DLGAP2: variants seen among roughly 807,000 people sequenced by gnomAD.
DLGAP2 encodes disks large-associated protein 2.
A neutral mutation model predicts 100.3 loss-of-function variants in DLGAP2; 26 were observed. The ratio of observed to expected loss-of-function variants is 0.26; its 90% CI spans 0.19 to 0.36. The LOEUF (loss-of-function observed/expected upper bound fraction) is 0.36. DLGAP2 is among the 10% of genes least tolerant of loss of function. The pLI is 1.00. For synonymous variants in DLGAP2, 886 were observed against 630.1 expected (o/e 1.41, Z -6.08); for missense variants, 1,858 against 1,453.2 (o/e 1.28, Z -4.53).
In DLGAP2 at chr8:1,548,984, T is replaced by C; in HGVS notation, c.531T>C (p.Ala177=). 6.3e-7 allele frequency: 1 copy of C among 1,599,388 alleles called. No individual in the cohort carries two copies. Among genetic ancestry groups the C allele is most frequent in the Non-Finnish European group, 8.5e-7 (1 of 1,179,324 alleles). The stretch of plus-strand genomic sequence containing the variant: ...ACTACGACACGCGCGACGACTGCGC[T>C]GTGGCCCACGCGGGCGCCAAGATCA... The part of the protein sequence containing the change: ...SSHYDTRDDC[A]VAHAGAKINR... The change falls in exon 5 of 15, where the codon GCT becomes GCC. Residue 177 remains alanine (A), a synonymous_variant. Transcript: ENST00000637795.
intron 6 of DLGAP2, among the ~76,000 whole-genome samples, chr8:1,600,443 C>T (rs916944824): frequency 2.6e-5 from 4 of 152,132 alleles, no homozygotes; most frequent in African/African-American, 7.2e-5. Context: ...GAGAAGTTCT[C>T]CTGGATTATA....
At position 1,585,437 on chromosome 8, in the gene DLGAP2, C is replaced by T. The variant is rs375037133; in HGVS notation, c.1442+19543C>T. 2.0e-3 allele frequency among the ~76,000 whole-genome samples: 310 copies of T among 152,262 alleles called. 1 individual carries two copies. Among genetic ancestry groups the T allele is most frequent in the African/African-American group, 7.0e-3 (291 of 41,530 alleles). ...TGAGATTGCACCACTGCACTCCAGC[C>T]TGGGCAAAAGACCGAAAAAGAAAAA... On this transcript the variant is annotated intron_variant, in intron 6 of 14. Transcript: ENST00000637795.
chr8:1,037,354 A>T (rs1396691170), intron 2 of DLGAP2, among the ~76,000 whole-genome samples: 2 of 152,062 alleles, frequency 1.3e-5, no homozygotes, highest in Admixed American at 6.5e-5. Context: ...CCTTCAGTAG[A>T]ATCTGCTGTT....
chr8:1,433,923 A>C (rs1797537991), intron 3 of DLGAP2, among the ~76,000 whole-genome samples: 1 of 152,216 alleles, frequency 6.6e-6, no homozygotes, highest in South Asian at 2.1e-4. Context: ...ACTCTCAGAA[A>C]CCGAGAATAA....
At chr8:1,372,655 C>T (rs1171081193) in intron 3 of DLGAP2, among the ~76,000 whole-genome samples, 13 of 152,188 alleles carry the variant, frequency 8.5e-5, no homozygotes, top group Non-Finnish European at 1.8e-4. Context: ...GATTCAAAGC[C>T]AGTTATCTCA....
At chr8:1,382,161 G>C (rs1309623219) in intron 3 of DLGAP2, among the ~76,000 whole-genome samples, 1 of 152,182 alleles carries the variant, frequency 6.6e-6, no homozygotes, top group African/African-American at 2.4e-5. Context: ...CACACATTGT[G>C]TTTGTTACAT....
rs143211017 is a variant in DLGAP2, at chr8:1,355,125, G to A, written c.106+96242G>A. ...AAGGTGGAAAGTCACGGAAATGTGC[G>A]TTGTATGTTTTAAGTGGCAAAGCCG... On this transcript the variant is annotated intron_variant, in intron 3 of 14. Transcript: ENST00000637795. 9.3e-3 allele frequency among the ~76,000 whole-genome samples: 1,416 copies of A among 152,352 alleles called. 10 individuals carry two copies. The highest frequency in any genetic ancestry group is 0.011 in the Non-Finnish European group (766 of 68,032).
intron 1 of DLGAP2, among the ~76,000 whole-genome samples, chr8:867,689 C>T (rs951742364): frequency 6.6e-6 from 1 of 152,208 alleles, no homozygotes; most frequent in Non-Finnish European, 1.5e-5. Context: ...ACATTGCTGT[C>T]ACCTGGCCAC....
intron 3 of DLGAP2, among the ~76,000 whole-genome samples, chr8:1,269,369 C>A (rs1040818677): frequency 6.6e-6 from 1 of 152,190 alleles, no homozygotes; most frequent in East Asian, 1.9e-4. Context: ...CCGTGTGGCA[C>A]GGCGTGGCTC....
At chr8:838,644 A>AC (rs1193576473) in intron 1 of DLGAP2, among the ~76,000 whole-genome samples, 1 of 149,668 alleles carries the variant, frequency 6.7e-6, no homozygotes, top group African/African-American at 2.5e-5. Context: ...GCTCTTGTAC[A>AC]TTTTTTTTTT....
In DLGAP2 at chr8:1,239,536, A is replaced by G. The variant is rs200830192; in HGVS notation, c.74-19315A>G. ...AGTTCTCTCACATGGTGCCGTGTCT[A>G]GTTCTCTCACATGGCGCCGTGTCTG... On this transcript the variant is annotated intron_variant, in intron 2 of 14. Coordinates refer to ENST00000637795, the MANE Select transcript of DLGAP2 (RefSeq NM_001346810.2). 2.1e-4 allele frequency among the ~76,000 whole-genome samples: 23 copies of G among 110,512 alleles called. No individual in the cohort carries two copies. In the East Asian group the frequency reaches 5.4e-3, roughly 26 times the overall value. The allele number at this position is 110,512 out of a possible 152,430, so 72.5% of individuals were successfully genotyped here.
intron 2 of DLGAP2, among the ~76,000 whole-genome samples, chr8:1,188,849 G>T (rs1450057112): frequency 6.6e-6 from 1 of 152,182 alleles, no homozygotes; most frequent in Non-Finnish European, 1.5e-5. Flanking sequence ...ACAATGACTT[G>T]TCACTCCAAA....
intron 3 of DLGAP2, among the ~76,000 whole-genome samples, chr8:1,280,898 C>A (rs1015428867): frequency 1.3e-5 from 2 of 152,140 alleles, no homozygotes; most frequent in Non-Finnish European, 1.5e-5. Flanking sequence ...CTATTACATG[C>A]GTATTCTGGG....
At chr8:872,985 C>A (rs778082510) in intron 1 of DLGAP2, among the ~76,000 whole-genome samples, 3 of 152,174 alleles carry the variant, frequency 2.0e-5, no homozygotes, top group African/African-American at 4.8e-5. Flanking sequence ...TACTTTAAAT[C>A]ATCTGTAGAG....
At chr8:1,173,343 C>T (rs932160876) in intron 2 of DLGAP2, among the ~76,000 whole-genome samples, 3 of 152,208 alleles carry the variant, frequency 2.0e-5, no homozygotes, top group Non-Finnish European at 2.9e-5. Flanking sequence ...CAGAGACCCA[C>T]TTGAGGAGGC....
At chr8:822,751 C>T (rs114576532) in intron 1 of DLGAP2, among the ~76,000 whole-genome samples, 6,155 of 152,202 alleles carry the variant, frequency 0.04, 188 homozygotes, top group African/African-American at 0.078. Flanking sequence ...TGTCCACAGG[C>T]CTGGGCGTGG....
chr8:1,234,822 C>G (rs1798608716), intron 2 of DLGAP2, among the ~76,000 whole-genome samples: 1 of 152,204 alleles, frequency 6.6e-6, no homozygotes. Context: ...AGTGAGTTCA[C>G]GGCGTCACGT....
chr8:1,512,918 T>C (rs1206135143), intron 4 of DLGAP2, among the ~76,000 whole-genome samples: 1 of 152,260 alleles, frequency 6.6e-6, no homozygotes, highest in African/African-American at 2.4e-5. Flanking sequence ...GCCATCTGTG[T>C]GTGCACGTTG....
rs546829822 is a variant in DLGAP2, at chr8:1,024,466, C to T, written c.73+116500C>T. ...CACCCTCCCTGGGGGTGGACAGTCC[C>T]GTGCCGAAGGAGACGCTCCAACCAC... On this transcript the variant is annotated intron_variant, in intron 2 of 14. Transcript: ENST00000637795. 9.9e-5 allele frequency among the ~76,000 whole-genome samples: 15 copies of T among 152,090 alleles called. 1 individual carries two copies. The highest frequency in any genetic ancestry group is 5.8e-4 in the East Asian group (3 of 5,180).
Sources: allele counts gnomAD v4.1 joint callset (sites outside exome capture counted in the v4.1 genomes callset), GRCh38; gene constraint gnomAD v4.1.1; transcripts MANE v1.5; gene names NCBI Gene and HGNC (gene_info 2026-07-23, HGNC 2026-07-21).